The following OSBPL10 variants were observed in gnomAD, a reference collection of about 807,000 sequenced individuals.
OSBPL10 encodes oxysterol binding protein like 10, also known as oxysterol-binding protein-related protein 10.
Under a neutral mutation model 81.7 loss-of-function variants are expected in OSBPL10, and 49 were observed. The ratio of observed to expected loss-of-function variants is 0.60; its 90% CI spans 0.48 to 0.76. The LOEUF is 0.76. Among genes scored for constraint, OSBPL10 ranks in the 30% least tolerant of loss-of-function variants. OSBPL10 has a pLI of 0.00. For missense variants in OSBPL10, 923 were observed against 987.8 expected (o/e 0.93, Z 0.88); for synonymous variants, 419 against 383.6 (o/e 1.09, Z -1.08).
rs190890163 is a variant in OSBPL10, at chr3:31,861,473, T to G, written c.537+14960A>C. On this transcript the variant is annotated intron_variant, in intron 3 of 11. Transcript: ENST00000396556. ...ATCCATGTTCAAAACAGATGCAATTTTTTTTAGAATATTTGTGATCCAGAG... is the reference window on the plus strand; with the variant it reads ...ATCCATGTTCAAAACAGATGCAATTGTTTTTAGAATATTTGTGATCCAGAG... Among the ~76,000 whole-genome samples, 79 of 152,350 alleles carry G rather than the reference T, an allele frequency of 5.2e-4. 1 individual carries two copies. The East Asian group carries it at 0.013, about 25-fold the overall frequency.
intron 7 of OSBPL10, among the ~76,000 whole-genome samples, chr3:31,687,245 G>A (rs887294241): frequency 7.2e-5 from 11 of 152,102 alleles, no homozygotes; most frequent in East Asian, 1.9e-4. Flanking sequence ...AGATAATTGC[G>A]TAACCTTGGC....
intron 3 of OSBPL10, among the ~76,000 whole-genome samples, chr3:31,869,162 A>C (rs1196831500): frequency 6.6e-6 from 1 of 152,222 alleles, no homozygotes; most frequent in African/African-American, 2.4e-5. Context: ...TGCTTGAGCT[A>C]TATGACCTTA....
intron 6 of OSBPL10, among the ~76,000 whole-genome samples, chr3:31,726,860 C>A (rs78919996): frequency 0.13 from 18,731 of 144,950 alleles, 1,482 homozygotes; most frequent in Non-Finnish European, 0.17. Flanking sequence ...TTATTATTTG[C>A]TGAGACTGGA....
In OSBPL10 at chr3:31,731,466, C is replaced by T. The variant is rs548270858; in HGVS notation, c.1095+1791G>A. On this transcript the variant is annotated intron_variant, in intron 6 of 11. Coordinates refer to ENST00000396556, the MANE Select transcript of OSBPL10 (RefSeq NM_017784.5). The stretch of plus-strand genomic sequence containing the variant: ...CAGGATGTATTTTTTTAAAGTTGAA[C>T]TTGGGAATTAGTTATTTCTTTCTTT... Among the ~76,000 whole-genome samples the T allele has an allele frequency of 1.2e-4, 18 of 150,866 alleles. No homozygotes were observed. In the South Asian group the frequency reaches 1.9e-3, roughly 16 times the overall value.
At chr3:32,017,625 A>C (rs1382612684) in intron 2 of OSBPL10, among the ~76,000 whole-genome samples, 1 of 152,204 alleles carries the variant, frequency 6.6e-6, no homozygotes, top group African/African-American at 2.4e-5. Context: ...GACTGCACAA[A>C]GCCCCGGAAA....
At chr3:31,677,948 G>A (rs1171473865) in intron 8 of OSBPL10, among the ~76,000 whole-genome samples, 1 of 151,168 alleles carries the variant, frequency 6.6e-6, no homozygotes, top group Admixed American at 6.6e-5. Context: ...GGGCGCGGTG[G>A]CGGGCGCCTG....
chr3:32,010,951 A>G (rs1027138523), intron 2 of OSBPL10, among the ~76,000 whole-genome samples: 1 of 152,176 alleles, frequency 6.6e-6, no homozygotes, highest in African/African-American at 2.4e-5. Context: ...AGGAAGCTCA[A>G]ACTGGTTGGA....
At chr3:31,965,151 C>T (rs1037179041) in intron 1 of OSBPL10, among the ~76,000 whole-genome samples, 5 of 151,694 alleles carry the variant, frequency 3.3e-5, no homozygotes, top group East Asian at 1.9e-4. Flanking sequence ...GGGCGGATCA[C>T]GAGGTCAGGA....
At chr3:32,017,497 G>C (rs1699325024) in intron 2 of OSBPL10, among the ~76,000 whole-genome samples, 1 of 151,582 alleles carries the variant, frequency 6.6e-6, no homozygotes, top group Non-Finnish European at 1.5e-5. Flanking sequence ...GCAAGTGGCT[G>C]AGCTGAGATT....
intron 5 of OSBPL10, among the ~76,000 whole-genome samples, chr3:31,738,129 G>A (rs1340739594): frequency 6.6e-6 from 1 of 152,026 alleles, no homozygotes; most frequent in Non-Finnish European, 1.5e-5. Context: ...TACATGTCCT[G>A]GGCTGAACAG....
At chr3:31,718,033 CTG>C (rs2125631415) in intron 6 of OSBPL10, 1 of 152,266 alleles carries the variant, frequency 6.6e-6, no homozygotes, top group East Asian at 1.9e-4. Context: ...TAAGATACAA[CTG>C]TGCTCAGGTA....
chr3:31,809,611 G>A (rs369164552), intron 4 of OSBPL10, among the ~76,000 whole-genome samples: 9 of 152,324 alleles, frequency 5.9e-5, no homozygotes, highest in South Asian at 2.1e-4. Context: ...TAGTTGAAAC[G>A]AAGTGTGACT....
intron 1 of OSBPL10, among the ~76,000 whole-genome samples, chr3:31,915,471 G>C (rs1162982553): frequency 6.6e-6 from 1 of 152,162 alleles, no homozygotes; most frequent in Non-Finnish European, 1.5e-5. Flanking sequence ...CATGGATACA[G>C]CTGGAGGCCA....
intron 1 of OSBPL10, among the ~76,000 whole-genome samples, chr3:31,884,673 G>A (rs1443067777): frequency 1.4e-4 from 22 of 152,292 alleles, no homozygotes; most frequent in Admixed American, 1.0e-3. Flanking sequence ...AAAGTAAACC[G>A]TATTTCTGGA....
chr3:31,974,052 C>T (rs542017906), intron 1 of OSBPL10, among the ~76,000 whole-genome samples: 4 of 152,176 alleles, frequency 2.6e-5, no homozygotes, highest in Non-Finnish European at 2.9e-5. Context: ...CAGCAAAGGG[C>T]GCATACCCAG....
At chr3:31,711,225 T>C (rs1696242041) in intron 6 of OSBPL10, among the ~76,000 whole-genome samples, 1 of 152,208 alleles carries the variant, frequency 6.6e-6, no homozygotes, top group Admixed American at 6.5e-5. Context: ...ACACCTACTT[T>C]CCAACTGGAC....
chr3:31,923,927 T>C (rs1235425429), intron 1 of OSBPL10, among the ~76,000 whole-genome samples: 1 of 151,972 alleles, frequency 6.6e-6, no homozygotes. Context: ...AATTGGAATA[T>C]ATTTGTCAAG....
chr3:31,834,788 G>A (rs1366590190), intron 3 of OSBPL10, among the ~76,000 whole-genome samples: 1 of 152,188 alleles, frequency 6.6e-6, no homozygotes, highest in Non-Finnish European at 1.5e-5. Context: ...CACAGGCCCT[G>A]TACCCACCCA....
intron 2 of OSBPL10, among the ~76,000 whole-genome samples, chr3:31,994,610 A>G (rs1699070126): frequency 6.6e-6 from 1 of 152,150 alleles, no homozygotes; most frequent in Admixed American, 6.6e-5. Flanking sequence ...AGGTGTGCAG[A>G]TGTCTTTTCT....
Sources: allele counts gnomAD v4.1 joint callset (sites outside exome capture counted in the v4.1 genomes callset), GRCh38; gene constraint gnomAD v4.1.1; transcripts MANE v1.5; gene names NCBI Gene and HGNC (gene_info 2026-07-23, HGNC 2026-07-21).